SLC6A16: variants seen among roughly 807,000 people sequenced by gnomAD.
The protein encoded by SLC6A16 is solute carrier family 6 member 16.
SLC6A16 carries 54 observed loss-of-function variants against 65.4 expected under a neutral mutation model. The observed-to-expected ratio is 0.83, with a 90% CI of 0.66 to 1.04. The LOEUF is 1.04. Ranked by LOEUF, SLC6A16 falls within the 50% of genes least tolerant of loss-of-function variation. The probability of loss-of-function intolerance (pLI) is 0.00; values close to 1 mark genes in which losing one functional copy is unlikely to be tolerated. For missense variants in SLC6A16, 816 were observed against 914.0 expected (o/e 0.89, Z 1.38); for synonymous variants, 330 against 346.5 (o/e 0.95, Z 0.53).
At chr19:49,322,873 A>G (rs1970737934) in intron 1 of SLC6A16, among the ~76,000 whole-genome samples, 1 of 113,178 alleles carries the variant, frequency 8.8e-6, no homozygotes, top group African/African-American at 3.2e-5. Flanking sequence ...GCAGAAATAG[A>G]AAAACACGTC....
chr19:49,327,635 A>G (rs1970812051), upstream of SLC6A16, among the ~76,000 whole-genome samples: 1 of 152,230 alleles, frequency 6.6e-6, no homozygotes, highest in African/African-American at 2.4e-5. Flanking sequence ...AAAAGATTTT[A>G]CGTTCCAGTT....
intron 7 of SLC6A16, among the ~76,000 whole-genome samples, chr19:49,304,957 G>A: frequency 6.6e-6 from 1 of 152,194 alleles, no homozygotes; most frequent in East Asian, 1.9e-4. Flanking sequence ...ACTATGGAAA[G>A]TAATTTGGCA....
chr19:49,317,804 T>G (rs1195297997), intron 1 of SLC6A16, among the ~76,000 whole-genome samples: 2 of 149,296 alleles, frequency 1.3e-5, no homozygotes, highest in East Asian at 3.9e-4. Context: ...AGACTCCGTC[T>G]CAAAAAAAAA....
chr19:49,331,309 T>C, the SLC6A16 span, among the ~76,000 whole-genome samples: 1 of 151,990 alleles, frequency 6.6e-6, no homozygotes, highest in Non-Finnish European at 1.5e-5. Context: ...GCCTCCTGAG[T>C]AGCTGGGACT....
At chr19:49,333,444 C>A in the SLC6A16 span, among the ~76,000 whole-genome samples, 1 of 152,194 alleles carries the variant, frequency 6.6e-6, no homozygotes, top group Non-Finnish European at 1.5e-5. Flanking sequence ...GTACTCCAGC[C>A]TGGGCGAAGA....
chr19:49,337,208 C>T, the SLC6A16 span: 2 of 1,614,158 alleles, frequency 1.2e-6, no homozygotes, highest in South Asian at 1.1e-5. Flanking sequence ...CTCATCTCCA[C>T]TCAGCGGGCC....
chr19:49,318,868 ATTTT>A (rs71180618), intron 1 of SLC6A16, among the ~76,000 whole-genome samples: 1 of 104,590 alleles, frequency 9.6e-6, no homozygotes, highest in Non-Finnish European at 1.8e-5. Context: ...ACAACTGGCT[ATTTT>A]TTTTTTTTTT....
At position 49,309,952 on chromosome 19, in the gene SLC6A16, G is replaced by A. The variant is rs146256093; in HGVS notation, c.700+88C>T. ...TTTTTCCTTCTTCTTCCTCTTCCTT[G>A]TCCCTCCCCACTCTCTCCTATTCCA... is the stretch of plus-strand genomic sequence containing the variant. On this transcript the variant is annotated intron_variant, in intron 4 of 11. Transcript: ENST00000335875. 6.7e-4 allele frequency: 982 copies of A among 1,472,702 alleles called. 8 individuals are homozygous for A. The East Asian group carries it at 0.02, about 30-fold the overall frequency. 91.2% of individuals were successfully genotyped at this position (1,472,702 alleles called of 1,614,324 possible). A position where few individuals can be genotyped will look rare whatever the true frequency, so the allele number is the denominator to read the frequency against.
intron 7 of SLC6A16, among the ~76,000 whole-genome samples, chr19:49,297,938 A>G (rs887249519): frequency 6.6e-6 from 1 of 152,182 alleles, no homozygotes; most frequent in African/African-American, 2.4e-5. Flanking sequence ...GCCAGGAGTG[A>G]GAGGAACATA....
Position 49,320,395 on chromosome 19 carries a change from A to G in SLC6A16, c.-65+4653T>C, listed in dbSNP as rs370811072. On this transcript the variant is annotated intron_variant, in intron 1 of 11. Transcript: ENST00000335875. ...TGCACTCCAGCCTGGGCAACAGAGC[A>G]AGACTCCCTCTAAAAACAAACAAAC... 1.4e-3 allele frequency among the ~76,000 whole-genome samples: 209 copies of G among 150,944 alleles called. 1 individual carries two copies. The highest frequency in any genetic ancestry group is 4.8e-3 in the African/African-American group (197 of 40,840).
chr19:49,304,992 G>T (rs572254339), intron 7 of SLC6A16, among the ~76,000 whole-genome samples: 17 of 152,352 alleles, frequency 1.1e-4, no homozygotes, highest in Admixed American at 4.6e-4. Context: ...GTAGATATAT[G>T]TGGTAGATTG....
intron 7 of SLC6A16, among the ~76,000 whole-genome samples, chr19:49,305,420 C>T (rs977615677): frequency 3.3e-5 from 5 of 151,868 alleles, no homozygotes; most frequent in Non-Finnish European, 7.4e-5. Context: ...GGTGAAACCC[C>T]GTCTCTACTA....
At chr19:49,331,736 C>T in the SLC6A16 span, 1 of 457,170 alleles carries the variant, frequency 2.2e-6, no homozygotes, top group Non-Finnish European at 4.4e-6. Context: ...TAGAAATGGG[C>T]TGTGTCCCTT....
chr19:49,293,099 C>T (rs865971794), intron 10 of SLC6A16, 124 bp downstream of exon 10: 9 of 778,522 alleles, frequency 1.2e-5, no homozygotes, highest in Middle Eastern at 3.8e-4. Flanking sequence ...AAAGATTTCC[C>T]AGAAGACTCT....
At chr19:49,333,647 G>A in the SLC6A16 span, among the ~76,000 whole-genome samples, 1 of 152,172 alleles carries the variant, frequency 6.6e-6, no homozygotes, top group East Asian at 1.9e-4. Flanking sequence ...GTCCAGGTAG[G>A]AGAGCAGGAG....
chr19:49,296,611 C>T (rs1970191692), intron 7 of SLC6A16, among the ~76,000 whole-genome samples: 1 of 152,126 alleles, frequency 6.6e-6, no homozygotes. Context: ...AATTTTGATC[C>T]TTGCCTCATA....
At chr19:49,304,541 G>A (rs964241680) in intron 7 of SLC6A16, among the ~76,000 whole-genome samples, 4 of 152,128 alleles carry the variant, frequency 2.6e-5, no homozygotes, top group Non-Finnish European at 4.4e-5. Flanking sequence ...TGAGGTGGGC[G>A]GATCACCTGA....
chr19:49,337,886 C>A, the SLC6A16 span: 3 of 1,209,554 alleles, frequency 2.5e-6, no homozygotes, highest in Non-Finnish European at 3.6e-6. Flanking sequence ...AGGGGTGGGG[C>A]GGGGAAGATA....
intron 10 of SLC6A16, 65 bp from the exon 11 acceptor site, chr19:49,290,832 G>T (rs561588895): frequency 1.5e-6 from 2 of 1,368,658 alleles, no homozygotes; most frequent in East Asian, 4.9e-5. Flanking sequence ...GGCAGGGCCA[G>T]CCCAACCTTG....
Sources: gnomAD v4.1 joint callset for allele counts (sites outside exome capture counted in the v4.1 genomes callset) on GRCh38, gnomAD v4.1.1 for gene constraint, MANE v1.5 for transcripts, NCBI Gene and HGNC (gene_info 2026-07-23, HGNC 2026-07-21) for gene names.